The following RCL1 variants were observed in gnomAD, a reference collection of about 807,000 sequenced individuals.
The protein encoded by RCL1 is RNA terminal phosphate cyclase like 1.
In RCL1, 24 loss-of-function variants were observed where a neutral mutation model predicts 42.4. The ratio of observed to expected loss-of-function variants is 0.57; its 90% CI spans 0.41 to 0.80. The LOEUF (loss-of-function observed/expected upper bound fraction) is 0.80, where lower values mean the gene tolerates loss of function less well. RCL1 is among the 30% of genes least tolerant of loss of function. The pLI is 0.00. For missense variants in RCL1, 578 were observed against 467.9 expected (o/e 1.24, Z -2.17); for synonymous variants, 228 against 177.3 (o/e 1.29, Z -2.27).
chr9:4,829,134 A>G (rs1427035897), intron 3 of RCL1, among the ~76,000 whole-genome samples: 3 of 152,238 alleles, frequency 2.0e-5, no homozygotes, highest in Non-Finnish European at 4.4e-5. Flanking sequence ...GATTACAAGG[A>G]TGAATACCCT....
rs147617084 is a variant in RCL1 at position 4,830,130 on chromosome 9, CTT to C, written c.385-3022_385-3021del. Reference sequence around the variant, plus strand: ...GTCAGGGATAATCCACAGAATCACTCTTTGCCAGAGTTGAGTCAGACTGAGCA... The same window carrying C: ...GTCAGGGATAATCCACAGAATCACTCTGCCAGAGTTGAGTCAGACTGAGCA... On this transcript the variant is annotated intron_variant, in intron 3 of 8. Coordinates refer to ENST00000381750, the MANE Select transcript of RCL1 (RefSeq NM_005772.5). Among the ~76,000 whole-genome samples, 332 of 152,332 alleles carry C rather than the reference CTT, an allele frequency of 2.2e-3. 2 individuals are homozygous for C. Among genetic ancestry groups the C allele is most frequent in the African/African-American group, 7.6e-3 (317 of 41,574 alleles).
At position 4,860,045 on chromosome 9, in the gene RCL1, C is replaced by T. The variant is rs1052086751; in HGVS notation, c.972-80C>T. The T allele has an allele frequency of 1.2e-5, 12 of 1,011,316 alleles. No homozygotes were observed. In the East Asian group the frequency reaches 3.3e-4, roughly 27 times the overall value. 62.6% of individuals were successfully genotyped at this position (1,011,316 alleles called of 1,614,324 possible). Reference sequence around the variant, plus strand: ...CCCTCTAGGTCTGGGAGATTAAAACCTTGGATTCTAGGTGGTAGAGGATAA... The same window carrying T: ...CCCTCTAGGTCTGGGAGATTAAAACTTTGGATTCTAGGTGGTAGAGGATAA... On this transcript the variant is annotated intron_variant, in intron 8 of 8. Coordinates refer to ENST00000381750, the MANE Select transcript of RCL1 (RefSeq NM_005772.5).
At chr9:4,817,984 A>G (rs1333969432) in intron 1 of RCL1, among the ~76,000 whole-genome samples, 1 of 132,254 alleles carries the variant, frequency 7.6e-6, no homozygotes, top group Non-Finnish European at 1.5e-5. Flanking sequence ...GTAGTGGTGC[A>G]ATCTCGTCTC....
intron 3 of RCL1, among the ~76,000 whole-genome samples, chr9:4,827,749 T>TGCACACGC (rs1266323838): frequency 8.4e-6 from 1 of 118,670 alleles, no homozygotes; most frequent in Non-Finnish European, 1.8e-5. Flanking sequence ...TGTGTGTGTG[T>TGCACACGC]GTGTGTGCAC....
Position 4,793,059 on chromosome 9 carries a change from C to A in RCL1, c.-33C>A. ...CGCGTCTGTCCGAAGTCGCCGCTCT[C>A]GGGCTGCTCACGTCTCTTCGGAGAG... On this transcript the variant is annotated 5_prime_UTR_variant, in exon 1 of 9. Transcript: ENST00000381750. 6.3e-7 allele frequency: 1 copy of A among 1,594,932 alleles called. No homozygotes were observed. Among genetic ancestry groups the A allele is most frequent in the East Asian group, 2.3e-5 (1 of 43,512 alleles).
At chr9:4,806,028 G>GTC (rs1815940182) in intron 1 of RCL1, among the ~76,000 whole-genome samples, 1 of 136,448 alleles carries the variant, frequency 7.3e-6, no homozygotes, top group Admixed American at 7.6e-5. Context: ...GTGTGTGTGT[G>GTC]TGTGTGTGTG....
At chr9:4,855,072 A>AAAAAAAAC (rs56709677) in intron 8 of RCL1, among the ~76,000 whole-genome samples, 34 of 140,668 alleles carry the variant, frequency 2.4e-4, no homozygotes, top group Admixed American at 8.8e-4. Context: ...AAAAAAAAAA[A>AAAAAAAAC]ATAGGAAAAG....
chr9:4,826,832 T>G (rs376125815), intron 2 of RCL1, 26 bp from the exon 3 acceptor site: 1 of 1,577,896 alleles, frequency 6.3e-7, no homozygotes, highest in Non-Finnish European at 8.6e-7. Flanking sequence ...TCCTGCTGAA[T>G]GTGGCTCTTT....
intron 8 of RCL1, among the ~76,000 whole-genome samples, chr9:4,858,750 A>G (rs75356040): frequency 3.5e-5 from 1 of 28,486 alleles, no homozygotes; most frequent in African/African-American, 1.3e-4. Flanking sequence ...TGCAGTCGAG[A>G]TTGAGAACCA....
intron 1 of RCL1, among the ~76,000 whole-genome samples, chr9:4,806,038 GTGTGTGTT>G (rs1815942979): frequency 7.4e-6 from 1 of 134,952 alleles, no homozygotes; most frequent in African/African-American, 2.9e-5. Context: ...GTGTGTGTGT[GTGTGTGTT>G]TGTGTGTGTG....
At chr9:4,799,830 G>A (rs549696636) in intron 1 of RCL1, among the ~76,000 whole-genome samples, 2 of 152,180 alleles carry the variant, frequency 1.3e-5, no homozygotes, top group African/African-American at 4.8e-5. Context: ...CTTGGATGTG[G>A]TAGCCATTTC....
At chr9:4,852,640 C>T (rs1260028) in intron 8 of RCL1, among the ~76,000 whole-genome samples, 24 of 152,134 alleles carry the variant, frequency 1.6e-4, no homozygotes, top group Non-Finnish European at 3.1e-4. Context: ...GGAGATGGAA[C>T]GAAGCTTAGA....
Position 4,812,746 on chromosome 9 carries a change from T to G in RCL1, c.137-10802T>G, listed in dbSNP as rs190953720. Among the ~76,000 whole-genome samples, 285 of 152,270 alleles carry G rather than the reference T, an allele frequency of 1.9e-3. 2 individuals are homozygous for G. The highest frequency in any genetic ancestry group is 4.2e-3 in the African/African-American group (175 of 41,520). On this transcript the variant is annotated intron_variant, in intron 1 of 8. Coordinates refer to ENST00000381750, the MANE Select transcript of RCL1 (RefSeq NM_005772.5). Reference sequence around the variant, plus strand: ...AAGATGGAATGTGTTTCCATTTTTTTTGTGTGTGTCCTAAAGTTTTCCTTT... The same window carrying G: ...AAGATGGAATGTGTTTCCATTTTTTGTGTGTGTGTCCTAAAGTTTTCCTTT...
At chr9:4,857,712 G>A (rs143178087) in intron 8 of RCL1, among the ~76,000 whole-genome samples, 287 of 152,246 alleles carry the variant, frequency 1.9e-3, no homozygotes, top group African/African-American at 6.7e-3. Flanking sequence ...CGGCTGTACC[G>A]TTTTACATTC....
At chr9:4,841,101 T>C in intron 5 of RCL1, 131 bp from the exon 6 acceptor site, 1 of 958,580 alleles carries the variant, frequency 1.0e-6, no homozygotes, top group Non-Finnish European at 1.6e-6. Flanking sequence ...TTCAGTAAAT[T>C]CAGTTGGAAA....
At chr9:4,808,528 G>A (rs1019024497) in intron 1 of RCL1, among the ~76,000 whole-genome samples, 1 of 151,942 alleles carries the variant, frequency 6.6e-6, no homozygotes, top group African/African-American at 2.4e-5. Context: ...GGCTGGTCTC[G>A]GATCTCCTGA....
intron 6 of RCL1, among the ~76,000 whole-genome samples, chr9:4,842,432 T>C (rs992875519): frequency 2.0e-5 from 3 of 152,140 alleles, no homozygotes; most frequent in Non-Finnish European, 4.4e-5. Context: ...AGAAATACAG[T>C]GGAGGCTCAT....
At chr9:4,828,126 C>T (rs1298373942) in intron 3 of RCL1, among the ~76,000 whole-genome samples, 1 of 135,100 alleles carries the variant, frequency 7.4e-6, no homozygotes, top group African/African-American at 2.9e-5. Context: ...GCAGAGCTTG[C>T]AGTGAGCCGA....
At chr9:4,836,124 G>A (rs1817120773) in intron 5 of RCL1, among the ~76,000 whole-genome samples, 1 of 152,166 alleles carries the variant, frequency 6.6e-6, no homozygotes, top group Non-Finnish European at 1.5e-5. Flanking sequence ...TAAGAAAAAG[G>A]CTGTGTTCCA....
Sources: gnomAD v4.1 joint callset for allele counts (sites outside exome capture counted in the v4.1 genomes callset) on GRCh38, gnomAD v4.1.1 for gene constraint, MANE v1.5 for transcripts, NCBI Gene and HGNC (gene_info 2026-07-23, HGNC 2026-07-21) for gene names.